Variants in BAIAP2L1 observed in about 807,000 individuals in gnomAD.
The protein encoded by BAIAP2L1 is BAR/IMD domain containing adaptor protein 2 like 1, also known as BAR/IMD domain-containing adapter protein 2-like 1.
A neutral mutation model predicts 66.3 loss-of-function variants in BAIAP2L1; 35 were observed. The ratio of observed to expected loss-of-function variants is 0.53; its 90% CI spans 0.40 to 0.70. The LOEUF is 0.70. Among genes scored for constraint, BAIAP2L1 ranks in the 30% least tolerant of loss-of-function variants. BAIAP2L1 has a pLI of 0.00. For missense variants in BAIAP2L1, 622 were observed against 656.9 expected (o/e 0.95, Z 0.58); for synonymous variants, 269 against 248.7 (o/e 1.08, Z -0.77).
At chr7:98,394,475 C>T (rs149010805) in intron 1 of BAIAP2L1, among the ~76,000 whole-genome samples, 76 of 152,212 alleles carry the variant, frequency 5.0e-4, no homozygotes, top group East Asian at 2.1e-3. Flanking sequence ...TACAGAGAAA[C>T]GGCAGATCAT....
intron 1 of BAIAP2L1, among the ~76,000 whole-genome samples, chr7:98,393,109 ATGTACACATATATG>A (rs1803098810): frequency 1.2e-5 from 1 of 84,848 alleles, no homozygotes; most frequent in Non-Finnish European, 2.6e-5. Flanking sequence ...GTGTACATAT[ATGTACACATATATG>A]TATATATACA....
At chr7:98,366,965 C>T (rs774946346) in intron 1 of BAIAP2L1, among the ~76,000 whole-genome samples, 13 of 152,124 alleles carry the variant, frequency 8.5e-5, no homozygotes, top group Non-Finnish European at 1.8e-4. Flanking sequence ...GATCACCACA[C>T]ACTGTAGCCC....
At chr7:98,367,782 C>A (rs908204667) in intron 1 of BAIAP2L1, among the ~76,000 whole-genome samples, 1 of 151,868 alleles carries the variant, frequency 6.6e-6, no homozygotes, top group African/African-American at 2.4e-5. Flanking sequence ...TCCACTGCGG[C>A]CAGCCCAATT....
At chr7:98,302,390 T>C (rs1261442693) in intron 12 of BAIAP2L1, among the ~76,000 whole-genome samples, 1 of 152,180 alleles carries the variant, frequency 6.6e-6, no homozygotes, top group Non-Finnish European at 1.5e-5. Flanking sequence ...TAAAAGGCAT[T>C]ATCCAACCTC....
chr7:98,304,325 A>G lies in BAIAP2L1; in HGVS notation c.1293T>C (p.Ser431=). 1.2e-6 allele frequency: 2 copies of G among 1,613,522 alleles called. No homozygotes were observed. Among genetic ancestry groups the G allele is most frequent in the South Asian group, 1.1e-5 (1 of 90,966 alleles). ...AGTAGTCGGGTGGGGGGATGACAAC[A>G]CTGCTATTCTCAGACAAGTTCACGG... ...ISTVNLSENS[S]VVIPPPDYLE... The change falls in exon 12 of 14, where the codon AGT becomes AGC. Residue 431 remains serine (S), a synonymous_variant. Transcript: ENST00000005260.
intron 1 of BAIAP2L1, among the ~76,000 whole-genome samples, chr7:98,396,288 C>CG (rs1803207661): frequency 6.6e-6 from 1 of 152,118 alleles, no homozygotes; most frequent in Admixed American, 6.6e-5. Context: ...AGGCTGGCCT[C>CG]GAACTCCTGG....
chr7:98,366,375 C>T (rs2115741991), intron 1 of BAIAP2L1, among the ~76,000 whole-genome samples: 1 of 152,224 alleles, frequency 6.6e-6, no homozygotes, highest in Admixed American at 6.5e-5. Flanking sequence ...CTCCGCCACC[C>T]TGTGCACCAG....
At chr7:98,356,994 C>A (rs1222285628) in intron 2 of BAIAP2L1, among the ~76,000 whole-genome samples, 12 of 2,422 alleles carry the variant, frequency 5.0e-3, no homozygotes, top group African/African-American at 6.0e-3. Context: ...GCCCCTGTCT[C>A]AAAAAAAAAA....
chr7:98,350,910 G>A (rs1175000121), intron 3 of BAIAP2L1, among the ~76,000 whole-genome samples: 3 of 152,058 alleles, frequency 2.0e-5, no homozygotes, highest in South Asian at 2.1e-4. Flanking sequence ...AGGCTGGACT[G>A]TAGTGGAGCG....
In BAIAP2L1 at chr7:98,320,431, G is replaced by A. The variant is rs557149588; in HGVS notation, c.215-133C>T. Reference sequence around the variant, plus strand: ...GCCCGCTGCAACCTCCGCCTCCCGGGTTCAAACTATTCTCCTGCCTCAGCC... The same window carrying A: ...GCCCGCTGCAACCTCCGCCTCCCGGATTCAAACTATTCTCCTGCCTCAGCC... On this transcript the variant is annotated intron_variant, in intron 3 of 13. Transcript: ENST00000005260. 1.1e-3 allele frequency: 714 copies of A among 651,068 alleles called. 3 individuals carry two copies. In the African/African-American group the frequency reaches 0.012, roughly 11 times the overall value. 40.3% of individuals were successfully genotyped at this position (651,068 alleles called of 1,614,324 possible).
chr7:98,400,863 G>A lies in BAIAP2L1; in HGVS notation c.-11C>T. The A allele has an allele frequency of 1.3e-6, 2 of 1,537,396 alleles. No individual in the cohort carries two copies. Among genetic ancestry groups the A allele is most frequent in the Non-Finnish European group, 1.8e-6 (2 of 1,141,080 alleles). ...GGGCCCCCGGGACATGGCTGCGGCC[G>A]CCGGGCGAGCAAGCGCGGGAGGACG... is the stretch of plus-strand genomic sequence containing the variant. On this transcript the variant is annotated 5_prime_UTR_variant, in exon 1 of 14. Transcript: ENST00000005260.
chr7:98,302,610 C>T (rs1191327727), intron 12 of BAIAP2L1, among the ~76,000 whole-genome samples: 3 of 152,020 alleles, frequency 2.0e-5, no homozygotes, highest in African/African-American at 4.8e-5. Flanking sequence ...AGGACACCAA[C>T]AGCAAAATCC....
In BAIAP2L1 at chr7:98,307,869, C is replaced by T. The variant is rs776775180; in HGVS notation, c.983G>A (p.Arg328Gln). ...TGTSEDPSLQ[R>Q]SVSVATGLNM... is the part of the protein sequence containing the mutation. ...CAGTCCCGTTGCAACCGAAACTGAT[C>T]GCTGTAAACTGGGATCTTCGGAAGT... is the stretch of plus-strand genomic sequence containing the variant. Residue 328 changes from arginine (R) to glutamine (Q), a missense_variant, in exon 10 of 14, where the codon CGA becomes CAA. Coordinates refer to ENST00000005260, the MANE Select transcript of BAIAP2L1 (RefSeq NM_018842.5). 4.5e-5 allele frequency: 72 copies of T among 1,614,102 alleles called. No homozygotes were observed. Among genetic ancestry groups the T allele is most frequent in the South Asian group, 1.9e-4 (17 of 91,080 alleles).
intron 12 of BAIAP2L1, among the ~76,000 whole-genome samples, chr7:98,300,890 G>C: frequency 6.6e-6 from 1 of 152,114 alleles, no homozygotes; most frequent in East Asian, 1.9e-4. Context: ...GCCGAAGCTC[G>C]TGCCTCAGAG....
chr7:98,304,076 C>G (rs2269965), intron 12 of BAIAP2L1, 120 bp downstream of exon 12: 1 of 1,095,284 alleles, frequency 9.1e-7, no homozygotes, highest in Non-Finnish European at 1.2e-6. Flanking sequence ...CCCTCCTCCC[C>G]GGGGACACCA....
At chr7:98,294,411 G>A (rs1048281451) in intron 12 of BAIAP2L1, among the ~76,000 whole-genome samples, 6 of 152,248 alleles carry the variant, frequency 3.9e-5, no homozygotes, top group African/African-American at 7.2e-5. Context: ...AATAAGGCAA[G>A]AACAGAAAAC....
chr7:98,361,079 G>A (rs1802258387), intron 2 of BAIAP2L1, among the ~76,000 whole-genome samples: 1 of 152,130 alleles, frequency 6.6e-6, no homozygotes, highest in South Asian at 2.1e-4. Context: ...ATAAGAGGCT[G>A]GGTGTGGTGG....
At chr7:98,380,041 G>T (rs1049004269) in intron 1 of BAIAP2L1, among the ~76,000 whole-genome samples, 1 of 151,400 alleles carries the variant, frequency 6.6e-6, no homozygotes, top group Non-Finnish European at 1.5e-5. Flanking sequence ...CTTAAAATGC[G>T]TGAATTTTAT....
intron 12 of BAIAP2L1, 89 bp downstream of exon 12, chr7:98,304,107 C>T: frequency 7.4e-7 from 1 of 1,360,528 alleles, no homozygotes; most frequent in Non-Finnish European, 9.7e-7. Context: ...GGGGACAGAG[C>T]AGAGCAAGGC....
Sources: allele counts gnomAD v4.1 joint callset (sites outside exome capture counted in the v4.1 genomes callset), GRCh38; gene constraint gnomAD v4.1.1; transcripts MANE v1.5; gene names NCBI Gene and HGNC (gene_info 2026-07-23, HGNC 2026-07-21).